MAF: variants seen among roughly 807,000 people sequenced by gnomAD.
The protein encoded by MAF is transcription factor Maf.
MAF carries 10 observed loss-of-function variants against 22.0 expected under a neutral mutation model. That is an observed-to-expected ratio of 0.45 (90% CI 0.28 to 0.77). The LOEUF (loss-of-function observed/expected upper bound fraction) is 0.77. Among genes scored for constraint, MAF ranks in the 30% least tolerant of loss-of-function variants. The probability of loss-of-function intolerance (pLI) is 0.12; values close to 1 mark genes in which losing one functional copy is unlikely to be tolerated. For missense variants in MAF, 544 were observed against 548.4 expected, an observed-to-expected ratio of 0.99 and a Z score of 0.08; for synonymous variants, 337 against 255.8, an observed-to-expected ratio of 1.32 and a Z score of -3.03.
the MAF span, among the ~76,000 whole-genome samples, chr16:79,471,222 C>A: frequency 6.6e-6 from 1 of 152,250 alleles, no homozygotes; most frequent in African/African-American, 2.4e-5. Context: ...TACAGCAGAG[C>A]TTCTCTACCC....
chr16:79,254,707 C>T, the MAF span, among the ~76,000 whole-genome samples: 1 of 152,120 alleles, frequency 6.6e-6, no homozygotes, highest in Admixed American at 6.5e-5. Context: ...GAATAATCCT[C>T]AAGAAACTCT....
At chr16:79,576,231 T>TAAAAAA in the MAF span, among the ~76,000 whole-genome samples, 1 of 43,018 alleles carries the variant, frequency 2.3e-5, no homozygotes, top group Non-Finnish European at 4.8e-5. Flanking sequence ...CCTGTGGTAC[T>TAAAAAA]AAAAAAAAAA....
At chr16:79,316,159 A>T in the MAF span, among the ~76,000 whole-genome samples, 1 of 152,208 alleles carries the variant, frequency 6.6e-6, no homozygotes, top group African/African-American at 2.4e-5. Context: ...TTAGAACGTG[A>T]CTCACCCAAA....
chr16:79,413,410 A>ATT, the MAF span, among the ~76,000 whole-genome samples: 5 of 132,116 alleles, frequency 3.8e-5, 1 homozygote, highest in African/African-American at 1.1e-4. Context: ...CGCCCGGCTA[A>ATT]TTTTTTTTTT....
At chr16:79,580,324 G>C in the MAF span, among the ~76,000 whole-genome samples, 2 of 152,118 alleles carry the variant, frequency 1.3e-5, no homozygotes, top group Non-Finnish European at 2.9e-5. Flanking sequence ...GCTACCAAGT[G>C]ATCAAAGATC....
chr16:79,403,643 AC>A, the MAF span, among the ~76,000 whole-genome samples: 1 of 151,960 alleles, frequency 6.6e-6, no homozygotes, highest in African/African-American at 2.4e-5. Context: ...GTTCCTCTTC[AC>A]CTCTGGAGTC....
At chr16:79,419,430 G>C in the MAF span, among the ~76,000 whole-genome samples, 3 of 152,312 alleles carry the variant, frequency 2.0e-5, no homozygotes, top group African/African-American at 7.2e-5. Flanking sequence ...AAGCATCCTA[G>C]GTTTGGAAAT....
the MAF span, among the ~76,000 whole-genome samples, chr16:79,380,529 C>T: frequency 6.6e-6 from 1 of 152,288 alleles, no homozygotes; most frequent in Non-Finnish European, 1.5e-5. Context: ...CCACAGCTAC[C>T]TGCCTGGTTA....
At chr16:79,524,876 T>C in the MAF span, among the ~76,000 whole-genome samples, 1 of 152,218 alleles carries the variant, frequency 6.6e-6, no homozygotes, top group Non-Finnish European at 1.5e-5. Flanking sequence ...AACATTTATA[T>C]CTGCTTAAAT....
the MAF span, among the ~76,000 whole-genome samples, chr16:79,423,354 G>A: frequency 1.3e-5 from 2 of 152,132 alleles, no homozygotes; most frequent in South Asian, 2.1e-4. Context: ...GGAGGCCAGC[G>A]TGTCCAAGAT....
chr16:79,217,849 A>G, the MAF span, among the ~76,000 whole-genome samples: 1 of 152,060 alleles, frequency 6.6e-6, no homozygotes, highest in African/African-American at 2.4e-5. Context: ...AAATGGGGTT[A>G]TGAGTGGTTT....
At chr16:79,552,299 G>T in the MAF span, among the ~76,000 whole-genome samples, 1 of 151,586 alleles carries the variant, frequency 6.6e-6, no homozygotes, top group Non-Finnish European at 1.5e-5. Context: ...CCGAAGCCTC[G>T]AACTCCTGGG....
chr16:79,288,518 C>T, the MAF span, among the ~76,000 whole-genome samples: 16 of 152,174 alleles, frequency 1.1e-4, no homozygotes, highest in South Asian at 2.1e-4. Flanking sequence ...AAAGCAAAGT[C>T]ACCTCTGCTG....
the MAF span, among the ~76,000 whole-genome samples, chr16:79,396,342 A>G: frequency 6.6e-6 from 1 of 152,224 alleles, no homozygotes; most frequent in East Asian, 1.9e-4. Context: ...TTAGAGGATT[A>G]AAACTCTAGA....
At chr16:79,556,541 T>C in the MAF span, among the ~76,000 whole-genome samples, 4 of 152,192 alleles carry the variant, frequency 2.6e-5, no homozygotes, top group Non-Finnish European at 5.9e-5. Flanking sequence ...GTTAAAAGGA[T>C]TGGACCCAAG....
At chr16:79,207,653 A>G in the MAF span, among the ~76,000 whole-genome samples, 1 of 152,222 alleles carries the variant, frequency 6.6e-6, no homozygotes, top group South Asian at 2.1e-4. Context: ...TTAAGACAGG[A>G]ATCTCCTCTT....
At chr16:79,587,661 C>G (rs1912929194) in intron 1 of MAF, among the ~76,000 whole-genome samples, 1 of 152,084 alleles carries the variant, frequency 6.6e-6, no homozygotes, top group Non-Finnish European at 1.5e-5. Context: ...AAAATGCCCC[C>G]TTTGCCTTCC....
the MAF span, among the ~76,000 whole-genome samples, chr16:79,225,527 G>T: frequency 6.6e-6 from 1 of 152,068 alleles, no homozygotes; most frequent in Admixed American, 6.6e-5. Flanking sequence ...TTGAGAAATG[G>T]GATCCAATTA....
At chr16:79,407,444 T>C in the MAF span, among the ~76,000 whole-genome samples, 1 of 152,174 alleles carries the variant, frequency 6.6e-6, no homozygotes, top group Non-Finnish European at 1.5e-5. Flanking sequence ...ACAAGCCCTT[T>C]GAAAGTTTCT....
Sources: allele counts gnomAD v4.1 joint callset (sites outside exome capture counted in the v4.1 genomes callset), GRCh38; gene constraint gnomAD v4.1.1; transcripts MANE v1.5; gene names NCBI Gene and HGNC (gene_info 2026-07-23, HGNC 2026-07-21).